COG1: variants seen among roughly 807,000 people sequenced by gnomAD.
COG1 encodes the protein conserved oligomeric Golgi complex subunit 1.
In COG1, 61 loss-of-function variants were observed where a neutral mutation model predicts 102.2. That is an observed-to-expected ratio of 0.60 (90% CI 0.49 to 0.74). COG1 has a LOEUF of 0.74. Among genes scored for constraint, COG1 ranks in the 30% least tolerant of loss-of-function variants. The pLI, the probability that COG1 is intolerant of heterozygous loss-of-function variation, is 0.00. For missense variants in COG1, 1,164 were observed against 1,232.1 expected (o/e 0.94, Z 0.83); for synonymous variants, 454 against 493.6 (o/e 0.92, Z 1.06).
At position 73,207,209 on chromosome 17, in the gene COG1, A is replaced by T; in HGVS notation, c.2758A>T (p.Ser920Cys). ...RFGLLPLSMT[S>C]TRKAKSTRNI... ...TGGACTTCTCCCACTGAGCATGACA[A>T]GCACTCGAAAGGCTAAATCAACCAG... The change falls in exon 13 of 14, where the codon AGC becomes TGC. Residue 920 changes from serine (S) to cysteine (C), a missense_variant. By Grantham distance (112) the Ser-to-Cys change is moderately radical. Transcript: ENST00000299886. The T allele has an allele frequency of 6.2e-7, 1 of 1,614,068 alleles. No homozygotes were observed. The highest frequency in any genetic ancestry group is 1.1e-5 in the South Asian group (1 of 91,066).
chr17:73,196,571 T>C lies in COG1; in HGVS notation c.380T>C (p.Ile127Thr). 1.2e-6 allele frequency: 2 copies of C among 1,614,220 alleles called. No individual in the cohort carries two copies. Among genetic ancestry groups the C allele is most frequent in the Non-Finnish European group, 1.7e-6 (2 of 1,180,044 alleles). ...MAAQIKLLLEIPEKIWSSMEA... is the reference protein window; with the variant it reads ...MAAQIKLLLETPEKIWSSMEA... ...GCCCAGATCAAGCTACTCTTAGAAA[T>C]TCCGGAGAAGATCTGGAGCTCGATG... The change falls in exon 2 of 14, where the codon ATT becomes ACT. Residue 127 changes from isoleucine to threonine, a missense_variant. Coordinates refer to ENST00000299886, the MANE Select transcript of COG1 (RefSeq NM_018714.3).
rs186991696 is a variant in COG1 at position 73,195,085 on chromosome 17, A to G, written c.316-1422A>G. Among the ~76,000 whole-genome samples, 47 of 152,340 alleles carry G rather than the reference A, an allele frequency of 3.1e-4. No homozygotes were observed. The East Asian group carries it at 8.9e-3, about 29-fold the overall frequency. On this transcript the variant is annotated intron_variant, in intron 1 of 13. Transcript: ENST00000299886. The stretch of plus-strand genomic sequence containing the variant: ...CCCTTAGGTGGCCAGCCTTTGCTGT[A>G]ACTGAGTCATGCTTCAGGGTTTATT...
intron 6 of COG1, 86 bp from the exon 7 acceptor site, chr17:73,201,023 G>T (rs192967636): frequency 7.9e-7 from 1 of 1,272,542 alleles, no homozygotes; most frequent in South Asian, 1.2e-5. Flanking sequence ...CCTTCTGAAT[G>T]CTAGGATAAA....
In COG1 at chr17:73,201,651, G is replaced by A. The variant is rs542733359; in HGVS notation, c.1824G>A (p.Leu608=). ...AGGATGCCCTCAACAGTGCCAAGCT[G>A]CACTCAGTTCTTTTCATGGCCAGAC... is the stretch of plus-strand genomic sequence containing the variant. ...GQQDALNSAK[L]HSVLFMARLC... is the part of the protein sequence containing the mutation. The change falls in exon 7 of 14, where the codon CTG becomes CTA. Residue 608 remains leucine (L), a synonymous_variant. Coordinates refer to ENST00000299886, the MANE Select transcript of COG1 (RefSeq NM_018714.3). 1.9e-6 allele frequency: 3 copies of A among 1,614,240 alleles called. No homozygotes were observed. The South Asian group carries it at 3.3e-5, about 18-fold the overall frequency.
At chr17:73,205,504 A>G (rs1343432158) in intron 9 of COG1, 49 bp from the exon 10 acceptor site, 2 of 1,610,352 alleles carry the variant, frequency 1.2e-6, no homozygotes, top group South Asian at 1.1e-5. Flanking sequence ...TTACGCTCAC[A>G]TACCAAGTCC....
chr17:73,197,484 C>A, intron 4 of COG1, 88 bp downstream of exon 4: 1 of 1,435,460 alleles, frequency 7.0e-7, no homozygotes, highest in Non-Finnish European at 9.7e-7. Flanking sequence ...CCATGCTAGG[C>A]TCTGGGGATG....
chr17:73,200,596 C>T lies in COG1; in HGVS notation c.1101C>T (p.Thr367=), dbSNP rs1186339837. 1 of 1,614,144 alleles carries T rather than the reference C, an allele frequency of 6.2e-7. No homozygotes were observed. Among genetic ancestry groups the T allele is most frequent in the Admixed American group, 1.7e-5 (1 of 60,018 alleles). Residue 367 remains threonine, a synonymous_variant, in exon 6 of 14, where the codon ACC becomes ACT. Coordinates refer to ENST00000299886, the MANE Select transcript of COG1 (RefSeq NM_018714.3). ...MCNEDIKNGI[T]NLLMYVKSMK... is the part of the protein sequence containing the mutation. ...ATGAAGACATTAAAAATGGGATCAC[C>T]AACCTGCTCATGTACGTGAAGAGCA... is the stretch of plus-strand genomic sequence containing the variant.
chr17:73,200,856 G>A lies in COG1; in HGVS notation c.1281+80G>A, dbSNP rs1026129. The A allele has an allele frequency of 0.52, 681,213 of 1,298,304 alleles. 180,217 individuals carry two copies. Among genetic ancestry groups the A allele is most frequent in the East Asian group, 0.62 (26,880 of 43,414 alleles). The allele number at this position is 1,298,304 out of a possible 1,614,324, so 80.4% of individuals were successfully genotyped here. On this transcript the variant is annotated intron_variant, in intron 6 of 13. Transcript: ENST00000299886. ...TTGACTGTCTTGGGAGATTTCTGTC[G>A]CTTCCCAAGTATATTCTTTTCCTGC...
intron 4 of COG1, among the ~76,000 whole-genome samples, chr17:73,198,614 A>C (rs574784464): frequency 6.6e-6 from 1 of 151,090 alleles, no homozygotes; most frequent in South Asian, 2.1e-4. Context: ...AAAACGTTGC[A>C]TTGGCGATGG....
At chr17:73,205,953 G>A (rs1415523296) in intron 10 of COG1, 3 of 625,774 alleles carry the variant, frequency 4.8e-6, no homozygotes, top group Non-Finnish European at 8.3e-6. Context: ...CCTCCTTATA[G>A]ACAGAACGGG....
Position 73,201,860 on chromosome 17 carries a change from G to C in COG1, c.2033G>C (p.Ser678Thr). 1.9e-6 allele frequency: 3 copies of C among 1,614,208 alleles called. No homozygotes were observed. The highest frequency in any genetic ancestry group is 2.5e-6 in the Non-Finnish European group (3 of 1,180,030). Residue 678 changes from serine (S) to threonine (T), a missense_variant, in exon 7 of 14, where the codon AGC becomes ACC. Physicochemically the swap from Ser to Thr is moderately conservative, Grantham distance 58. Transcript: ENST00000299886. Reference protein sequence around the residue: ...QEVKEVLLQQSVMGYQVWSSA... With the variant: ...QEVKEVLLQQTVMGYQVWSSA... ...GTTAAAGAAGTACTCCTCCAGCAGA[G>C]CGTGATGGGCTACCAGGTCTGGAGC...
At position 73,206,763 on chromosome 17, in the gene COG1, C is replaced by G. The variant is rs751977123; in HGVS notation, c.2675C>G (p.Thr892Arg). ...TENQLAPRSS[T>R]FNSQEPHNIL... ...AATCAGCTCGCCCCCCGGAGCAGTA[C>G]GTTCAACTCCCAAGAACCCCATAAC... Residue 892 changes from threonine to arginine, a missense_variant, in exon 12 of 14, where the codon ACG becomes AGG. By Grantham distance (71) the Thr-to-Arg change is moderately conservative. Coordinates refer to ENST00000299886, the MANE Select transcript of COG1 (RefSeq NM_018714.3). The G allele has an allele frequency of 6.2e-7, 1 of 1,613,042 alleles. No individual in the cohort carries two copies.
intron 13 of COG1, 40 bp downstream of exon 13, chr17:73,207,296 C>T (rs779579890): frequency 6.4e-7 from 1 of 1,566,014 alleles, no homozygotes; most frequent in African/African-American, 1.4e-5. Flanking sequence ...TGGATGGGTC[C>T]CCACCTCCCA....
At chr17:73,207,947 AG>A in intron 13 of COG1, 1 of 1,203,832 alleles carries the variant, frequency 8.3e-7, no homozygotes, top group East Asian at 5.3e-5. Flanking sequence ...AAAAAAAAAA[AG>A]CTCTTGCAAA....
In COG1 at chr17:73,206,254, C is replaced by T; in HGVS notation, c.2611C>T (p.Arg871Ter). The T allele has an allele frequency of 3.7e-6, 6 of 1,613,670 alleles. No individual in the cohort carries two copies. The highest frequency in any genetic ancestry group is 1.1e-5 in the South Asian group (1 of 91,074). The change falls in exon 11 of 14, where the codon CGA becomes TGA. Residue 871 changes from arginine to a stop codon, truncating the protein, a stop_gained. Coordinates refer to ENST00000299886, the MANE Select transcript of COG1 (RefSeq NM_018714.3). LOFTEE classifies it high-confidence loss of function. ...CAGCAACCTTCATCGCCTGGTGCAG[C>T]GAACTTCTGTGAGTCAAATCAAAAA... Reference protein sequence around the residue: ...LNSNLHRLVQRTSVLFGLVTG... With the variant: ...LNSNLHRLVQ
Position 73,205,784 on chromosome 17 carries a change from TTG to T in COG1, c.2510+108_2510+109del. On this transcript the variant is annotated intron_variant, in intron 10 of 13. Coordinates refer to ENST00000299886, the MANE Select transcript of COG1 (RefSeq NM_018714.3). ...GTCAGCCTGTTATACTGCACATTCA[TTG>T]TGTTTGTTTTGAACAGTAAGTGCTC... 11 of 1,442,764 alleles carry T rather than the reference TTG, an allele frequency of 7.6e-6. 1 individual carries two copies. In the South Asian group the frequency reaches 1.1e-4, roughly 15 times the overall value. The allele number at this position is 1,442,764 out of a possible 1,614,324, so 89.4% of individuals were successfully genotyped here. A position where few individuals can be genotyped will look rare whatever the true frequency, so the allele number is the denominator to read the frequency against.
At position 73,194,336 on chromosome 17, in the gene COG1, G is replaced by A. The variant is rs766667855; in HGVS notation, c.315+952G>A. ...CGGCGCCTGTAGTCCCAGCTACCTG[G>A]GAGGCTGAGGCAGGAGAATGGCATG... is the stretch of plus-strand genomic sequence containing the variant. On this transcript the variant is annotated intron_variant, in intron 1 of 13. Transcript: ENST00000299886. Among the ~76,000 whole-genome samples, 208 of 145,482 alleles carry A rather than the reference G, an allele frequency of 1.4e-3. 6 individuals are homozygous for A. The highest frequency in any genetic ancestry group is 2.7e-3 in the Non-Finnish European group (175 of 65,066).
chr17:73,203,509 A>C, intron 8 of COG1, 123 bp from the exon 9 acceptor site: 3 of 1,174,342 alleles, frequency 2.6e-6, no homozygotes, highest in Non-Finnish European at 3.8e-6. Flanking sequence ...TGCCTGTAAG[A>C]AGCGTTGCTG....
At chr17:73,206,339 C>T (rs978172677) in intron 11 of COG1, 77 bp downstream of exon 11, 47 of 1,098,830 alleles carry the variant, frequency 4.3e-5, no homozygotes, top group Admixed American at 1.0e-4. Context: ...TGCTCAAGCA[C>T]GTAATACTCC....
Sources: gnomAD v4.1 joint callset for allele counts (sites outside exome capture counted in the v4.1 genomes callset) on GRCh38, gnomAD v4.1.1 for gene constraint, MANE v1.5 for transcripts, NCBI Gene and HGNC (gene_info 2026-07-23, HGNC 2026-07-21) for gene names.